ARL5B: variants seen among roughly 807,000 people sequenced by gnomAD.
ARL5B encodes ADP-ribosylation factor-like protein 5B.
ARL5B carries 10 observed loss-of-function variants against 26.9 expected under a neutral mutation model. The observed-to-expected ratio is 0.37, with a 90% confidence interval of 0.23 to 0.63. The LOEUF is 0.63. ARL5B is among the 30% of genes least tolerant of loss of function. The probability of loss-of-function intolerance (pLI) is 0.62; values close to 1 mark genes in which losing one functional copy is unlikely to be tolerated. For synonymous variants in ARL5B, 87 were observed against 70.4 expected, an observed-to-expected ratio of 1.24 and a Z score of -1.18; for missense variants, 167 against 213.9, an observed-to-expected ratio of 0.78 and a Z score of 1.37.
At position 18,672,756 on chromosome 10, in the gene ARL5B, C is replaced by T. The variant is rs79203254; in HGVS notation, c.339+51C>T. The stretch of plus-strand genomic sequence containing the variant: ...AAAACAGTGTAGTAAAGTATCTGTA[C>T]GTTGCCTTTGCTTTTTTGCAAAGAT... On this transcript the variant is annotated intron_variant, in intron 4 of 5. Transcript: ENST00000377275. 993 of 1,348,340 alleles carry T rather than the reference C, an allele frequency of 7.4e-4. 3 individuals are homozygous for T. In the African/African-American group the frequency reaches 0.014, roughly 18 times the overall value. The allele number at this position is 1,348,340 out of a possible 1,614,324, so 83.5% of individuals were successfully genotyped here. A position where few individuals can be genotyped will look rare whatever the true frequency, so the allele number is the denominator to read the frequency against.
At chr10:18,673,506 C>T (rs2059897216) in intron 4 of ARL5B, among the ~76,000 whole-genome samples, 1 of 152,124 alleles carries the variant, frequency 6.6e-6, no homozygotes, top group African/African-American at 2.4e-5. Flanking sequence ...CTTTTAACAA[C>T]TGTATAGTTT....
At position 18,677,215 on chromosome 10, in the gene ARL5B, A is replaced by G. The variant is rs1318767485; in HGVS notation, c.*1999A>G. ...ATGAAATGACTATCTGCCTTCTTGT[A>G]TCTAGTAAGATTGGCTGGCTCAATT... is the stretch of plus-strand genomic sequence containing the variant. On this transcript the variant is annotated 3_prime_UTR_variant, in exon 6 of 6. Coordinates refer to ENST00000377275, the MANE Select transcript of ARL5B (RefSeq NM_178815.5). 32 of 152,042 alleles carry G rather than the reference A, an allele frequency of 2.1e-4. 1 individual carries two copies. The Admixed American group carries it at 2.1e-3, about 10-fold the overall frequency. 9.4% of individuals were successfully genotyped at this position (152,042 alleles called of 1,614,324 possible).
Position 18,676,832 on chromosome 10 carries a change from G to C in ARL5B, c.*1616G>C, listed in dbSNP as rs1281978501. 1 of 151,894 alleles carries C rather than the reference G, an allele frequency of 6.6e-6. No individual in the cohort carries two copies. The highest frequency in any genetic ancestry group is 1.9e-4 in the East Asian group (1 of 5,194). The allele number at this position is 151,894 out of a possible 1,614,324, so 9.4% of individuals were successfully genotyped here. A position where few individuals can be genotyped will look rare whatever the true frequency, so the allele number is the denominator to read the frequency against. ...CATTTTTCTGATTTATCTTTAGTTGGAGCACACCCTTGAACTGAACAGTGG... is the reference window on the plus strand; with the variant it reads ...CATTTTTCTGATTTATCTTTAGTTGCAGCACACCCTTGAACTGAACAGTGG... On this transcript the variant is annotated 3_prime_UTR_variant, in exon 6 of 6. Coordinates refer to ENST00000377275, the MANE Select transcript of ARL5B (RefSeq NM_178815.5).
At chr10:18,663,451 C>T (rs1054191990) in intron 1 of ARL5B, among the ~76,000 whole-genome samples, 1 of 151,958 alleles carries the variant, frequency 6.6e-6, no homozygotes, top group Admixed American at 6.6e-5. Context: ...ATTTTGAACA[C>T]TGGTTGCCAA....
Position 18,667,631 on chromosome 10 carries a change from T to A in ARL5B, c.108-899T>A, listed in dbSNP as rs79757361. 8.2e-3 allele frequency among the ~76,000 whole-genome samples: 1,254 copies of A among 152,176 alleles called. 14 individuals are homozygous for A. Among genetic ancestry groups the A allele is most frequent in the South Asian group, 0.033 (161 of 4,824 alleles). On this transcript the variant is annotated intron_variant, in intron 2 of 5. Transcript: ENST00000377275. ...ACTGGCAAGGGCATATTTGTTGAAT[T>A]AATTGATTAATGTAGCTTTACCAAT...
Position 18,672,621 on chromosome 10 carries a change from G to C in ARL5B, c.256-1G>C. 1 of 1,601,558 alleles carries C rather than the reference G, an allele frequency of 6.2e-7. No homozygotes were observed. On this transcript the variant is annotated splice_acceptor_variant, in intron 3 of 5. Transcript: ENST00000377275. LOFTEE classifies it high-confidence loss of function. ...TGTCTTTCCTTTTAATTTTCTTCTA[G>C]TTCATCATTCTTGTTGTTGATAGCA...
Position 18,677,461 on chromosome 10 carries a change from C to T in ARL5B, c.*2245C>T, listed in dbSNP as rs939737954. 1 of 152,172 alleles carries T rather than the reference C, an allele frequency of 6.6e-6. No individual in the cohort carries two copies. The highest frequency in any genetic ancestry group is 2.4e-5 in the African/African-American group (1 of 41,392). The allele number at this position is 152,172 out of a possible 1,614,324, so 9.4% of individuals were successfully genotyped here. A position where few individuals can be genotyped will look rare whatever the true frequency, so the allele number is the denominator to read the frequency against. On this transcript the variant is annotated 3_prime_UTR_variant, in exon 6 of 6. Coordinates refer to ENST00000377275, the MANE Select transcript of ARL5B (RefSeq NM_178815.5). The stretch of plus-strand genomic sequence containing the variant: ...AGCCATGTGTTGAAGATGAAATTGG[C>T]ATCAGTGTAGACGGTGCTGATTGGG...
intron 5 of ARL5B, 49 bp downstream of exon 5, chr10:18,674,184 C>A: frequency 6.5e-7 from 1 of 1,535,740 alleles, no homozygotes; most frequent in South Asian, 1.2e-5. Context: ...AAATTTCTTC[C>A]AACTTTTTAG....
In ARL5B at chr10:18,665,761, A is replaced by G. The variant is rs552910580; in HGVS notation, c.47-814A>G. Among the ~76,000 whole-genome samples, 4 of 152,194 alleles carry G rather than the reference A, an allele frequency of 2.6e-5. No individual in the cohort carries two copies. The South Asian group carries it at 6.2e-4, about 24-fold the overall frequency. The stretch of plus-strand genomic sequence containing the variant: ...CTTTTTAAGCATTCTTCTGCCTTGG[A>G]GAAGGGGATCTTTAGTATACTTGGC... On this transcript the variant is annotated intron_variant, in intron 1 of 5. Coordinates refer to ENST00000377275, the MANE Select transcript of ARL5B (RefSeq NM_178815.5).
At chr10:18,670,663 T>C (rs907589086) in intron 3 of ARL5B, among the ~76,000 whole-genome samples, 1 of 152,172 alleles carries the variant, frequency 6.6e-6, no homozygotes, top group Non-Finnish European at 1.5e-5. Context: ...ATATGATTAA[T>C]TTAAACATCA....
intron 1 of ARL5B, among the ~76,000 whole-genome samples, chr10:18,665,486 A>G (rs1564864156): frequency 7.2e-5 from 11 of 152,060 alleles, no homozygotes. Context: ...TGTGTAGGTC[A>G]TTGGAAGACC....
chr10:18,659,939 G>A (rs943810705), intron 1 of ARL5B: 2 of 985,228 alleles, frequency 2.0e-6, no homozygotes, highest in African/African-American at 3.5e-5. Flanking sequence ...GGATATTGGC[G>A]AAGTAAAGCG....
At chr10:18,673,313 G>A (rs773393916) in intron 4 of ARL5B, among the ~76,000 whole-genome samples, 33 of 152,060 alleles carry the variant, frequency 2.2e-4, no homozygotes, top group Non-Finnish European at 4.4e-4. Flanking sequence ...GCCTGCCTCA[G>A]CCTCCCAAAG....
At position 18,677,370 on chromosome 10, in the gene ARL5B, TAC is replaced by T. The variant is rs1197615415; in HGVS notation, c.*2156_*2157del. 6.6e-6 allele frequency: 1 copy of T among 152,364 alleles called. No individual in the cohort carries two copies. The highest frequency in any genetic ancestry group is 1.5e-5 in the Non-Finnish European group (1 of 67,832). The allele number at this position is 152,364 out of a possible 1,614,324, so 9.4% of individuals were successfully genotyped here. A position where few individuals can be genotyped will look rare whatever the true frequency, so the allele number is the denominator to read the frequency against. The stretch of plus-strand genomic sequence containing the variant: ...CAAATTTGCTATTTAATTTTTAAAA[TAC>T]AATTTATTTTGTAAATCCTTTAAAA... On this transcript the variant is annotated 3_prime_UTR_variant, in exon 6 of 6. Coordinates refer to ENST00000377275, the MANE Select transcript of ARL5B (RefSeq NM_178815.5).
chr10:18,672,232 T>C (rs2059891275), intron 3 of ARL5B, among the ~76,000 whole-genome samples: 1 of 152,234 alleles, frequency 6.6e-6, no homozygotes, highest in Non-Finnish European at 1.5e-5. Flanking sequence ...AATTATTGAC[T>C]GTTTAGATGA....
intron 4 of ARL5B, among the ~76,000 whole-genome samples, chr10:18,673,043 T>A (rs1001671794): frequency 5.4e-5 from 8 of 147,594 alleles, no homozygotes; most frequent in Middle Eastern, 3.5e-3. Context: ...AACTGAAAGG[T>A]TTTTTTTTTG....
intron 1 of ARL5B, among the ~76,000 whole-genome samples, chr10:18,665,273 G>A (rs1401618494): frequency 1.3e-5 from 2 of 152,094 alleles, no homozygotes; most frequent in Non-Finnish European, 2.9e-5. Context: ...CTGGGAGGTC[G>A]AGGCTGCAGT....
chr10:18,667,696 AAT>A (rs150786260), intron 2 of ARL5B, among the ~76,000 whole-genome samples: 2,319 of 148,648 alleles, frequency 0.016, 44 homozygotes, highest in African/African-American at 0.027. Context: ...CAGTATTCTA[AAT>A]ATATATATAT....
intron 1 of ARL5B, among the ~76,000 whole-genome samples, chr10:18,660,968 C>T (rs1483384924): frequency 6.6e-6 from 1 of 152,152 alleles, no homozygotes; most frequent in African/African-American, 2.4e-5. Flanking sequence ...GTTCCTCAGC[C>T]TCCCGAGTAA....
Sources: allele counts gnomAD v4.1 joint callset (sites outside exome capture counted in the v4.1 genomes callset), GRCh38; gene constraint gnomAD v4.1.1; transcripts MANE v1.5; gene names NCBI Gene and HGNC (gene_info 2026-07-23, HGNC 2026-07-21).